GUSB: variants seen among roughly 807,000 people sequenced by gnomAD.
The protein encoded by GUSB is beta-glucuronidase.
In GUSB, 51 loss-of-function variants were observed where a neutral mutation model predicts 74.6. That is an observed-to-expected ratio of 0.68 (90% CI 0.55 to 0.86). The LOEUF (loss-of-function observed/expected upper bound fraction) is 0.86. Ranked by LOEUF, GUSB falls within the 40% of genes least tolerant of loss-of-function variation. The pLI is 0.00. For missense variants in GUSB, 736 were observed against 853.7 expected (o/e 0.86, Z 1.72); for synonymous variants, 360 against 348.3 (o/e 1.03, Z -0.37).
chr7:65,979,163 C>T (rs1791804920), intron 4 of GUSB, among the ~76,000 whole-genome samples: 1 of 152,138 alleles, frequency 6.6e-6, no homozygotes. Flanking sequence ...AGGATTGCCA[C>T]CCCGAGCTGT....
In GUSB at chr7:65,967,863, C is replaced by T. The variant is rs121918179; in HGVS notation, c.1521G>A (p.Trp507Ter). ...DVICLNSYYS[W>*]YHDYGHLELI... ...ACTCCAGGTGCCCGTAGTCGTGATA[C>T]CAAGAGTAGTAGCTGTTCAAACAGA... Residue 507 changes from tryptophan (W) to a stop codon, truncating the protein, a stop_gained, in exon 10 of 12, where the codon TGG becomes TGA. Transcript: ENST00000304895. LOFTEE classifies it high-confidence loss of function. 4 of 1,605,508 alleles carry T rather than the reference C, an allele frequency of 2.5e-6. No homozygotes were observed. Among genetic ancestry groups the T allele is most frequent in the African/African-American group, 1.3e-5 (1 of 74,912 alleles).
In GUSB at chr7:65,980,779, T is replaced by C. The variant is rs1253161850; in HGVS notation, c.211-370A>G. The C allele has an allele frequency of 1.1e-5, 4 of 360,390 alleles. No individual in the cohort carries two copies. The East Asian group carries it at 2.1e-4, about 19-fold the overall frequency. The allele number at this position is 360,390 out of a possible 1,614,324, so 22.3% of individuals were successfully genotyped here. A position where few individuals can be genotyped will look rare whatever the true frequency, so the allele number is the denominator to read the frequency against. ...GGGGGGAGCTTTGCTTAGGACACTG[T>C]GAGTGGGGTGCACACTGGCACCCAG... On this transcript the variant is annotated intron_variant, in intron 1 of 11. Transcript: ENST00000304895.
chr7:65,975,772 G>A lies in GUSB; in HGVS notation c.912+243C>T, dbSNP rs115050218. 3.4e-3 allele frequency: 1,446 copies of A among 428,970 alleles called. 16 individuals carry two copies. The highest frequency in any genetic ancestry group is 0.025 in the African/African-American group (1,250 of 49,286). The allele number at this position is 428,970 out of a possible 1,614,324, so 26.6% of individuals were successfully genotyped here. On this transcript the variant is annotated intron_variant, in intron 5 of 11. Coordinates refer to ENST00000304895, the MANE Select transcript of GUSB (RefSeq NM_000181.4). ...AGGCCAAGGCAGGAGGACTGCTGCA[G>A]GCTGAGAGTTCAAGGCTGCAGTGAG...
chr7:65,981,925 C>G, intron 1 of GUSB, 49 bp downstream of exon 1: 1 of 1,521,606 alleles, frequency 6.6e-7, no homozygotes, highest in Non-Finnish European at 8.9e-7. Flanking sequence ...CTCCCCTACT[C>G]CCACCGCCGG....
intron 11 of GUSB, 30 bp downstream of exon 11, chr7:65,964,293 C>T (rs182474035): frequency 2.1e-5 from 33 of 1,596,658 alleles, no homozygotes; most frequent in East Asian, 8.9e-5. Flanking sequence ...AGGACGGGTA[C>T]GTTATCCCAT....
At chr7:65,972,282 C>T (rs1791265390) in intron 8 of GUSB, among the ~76,000 whole-genome samples, 1 of 152,082 alleles carries the variant, frequency 6.6e-6, no homozygotes, top group Non-Finnish European at 1.5e-5. Flanking sequence ...CTGCCTCAGC[C>T]TCCCAAGTAG....
At chr7:65,981,703 A>AT (rs1168316834) in intron 1 of GUSB, 20 of 368,658 alleles carry the variant, frequency 5.4e-5, no homozygotes, top group South Asian at 2.7e-4. Flanking sequence ...AAAAATAAAT[A>AT]TTGAAAGGAA....
At chr7:65,979,228 T>G (rs531582170) in intron 4 of GUSB, among the ~76,000 whole-genome samples, 171 bp downstream of exon 4, 1 of 152,142 alleles carries the variant, frequency 6.6e-6, no homozygotes, top group South Asian at 2.1e-4. Flanking sequence ...ACGGGTGATT[T>G]TGGGAGCCCG....
intron 4 of GUSB, among the ~76,000 whole-genome samples, chr7:65,979,103 G>A (rs1054386887): frequency 6.6e-5 from 10 of 152,212 alleles, no homozygotes; most frequent in Admixed American, 5.2e-4. Flanking sequence ...CCTTGAGCAC[G>A]ATGTGTAGCA....
chr7:65,974,348 CCACAT>C lies in GUSB; in HGVS notation c.1333_1337del (p.Met445ValfsTer40). The C allele has an allele frequency of 6.2e-7, 1 of 1,614,152 alleles. No homozygotes were observed. The highest frequency in any genetic ancestry group is 8.5e-7 in the Non-Finnish European group (1 of 1,180,022). On this transcript the variant is annotated frameshift_variant, in exon 8 of 12. Coordinates refer to ENST00000304895, the MANE Select transcript of GUSB (RefSeq NM_000181.4). LOFTEE classifies it high-confidence loss of function. ...GGGACGCAGGCTCGTTGGCCACAGA[CCACAT>C]CACGACCGCGGGGTGGTTCTTGTCC... is the stretch of plus-strand genomic sequence containing the variant.
At chr7:65,980,807 CCCT>C (rs1791960222) in intron 1 of GUSB, 1 of 333,084 alleles carries the variant, frequency 3.0e-6, no homozygotes, top group Non-Finnish European at 5.9e-6. Flanking sequence ...GCACCCAGCC[CCCT>C]CCTCTTTCCC....
At position 65,960,768 on chromosome 7, in the gene GUSB, A is replaced by AGAT. The variant is rs1387566918; in HGVS notation, c.*126_*128dup. On this transcript the variant is annotated 3_prime_UTR_variant, in exon 12 of 12. Transcript: ENST00000304895. ...CACCTTTAGTGTTCCCTGCTAGAAT[A>AGAT]GATGACCACAAAACCCAGGCCAGAA... 11 of 784,640 alleles carry AGAT rather than the reference A, an allele frequency of 1.4e-5. No individual in the cohort carries two copies. The East Asian group carries it at 2.4e-4, about 17-fold the overall frequency. The allele number at this position is 784,640 out of a possible 1,614,324, so 48.6% of individuals were successfully genotyped here.
At chr7:65,967,997 G>C (rs569158582) in intron 9 of GUSB, 90 bp from the exon 10 acceptor site, 1 of 1,088,530 alleles carries the variant, frequency 9.2e-7, no homozygotes, top group East Asian at 2.4e-5. Flanking sequence ...GGCAGAGAAG[G>C]TAAGGGGGAT....
intron 9 of GUSB, among the ~76,000 whole-genome samples, chr7:65,970,000 A>G (rs1362339905): frequency 6.6e-6 from 1 of 152,130 alleles, no homozygotes; most frequent in Non-Finnish European, 1.5e-5. Context: ...TAACCCAAAG[A>G]CCATCTGTGA....
chr7:65,975,667 G>A (rs1791518156), intron 5 of GUSB: 1 of 231,148 alleles, frequency 4.3e-6, no homozygotes, highest in Non-Finnish European at 8.6e-6. Context: ...TTACAGGCAT[G>A]AGTCACTCTG....
rs774195356 is a variant in GUSB at position 65,975,076 on chromosome 7, G to A, written c.913-5C>T. ...CGTCTGTGCAGTCAGCTGCACCTAT[G>A]ACAGCCAAAGCACCAGGTGTGAGCA... is the stretch of plus-strand genomic sequence containing the variant. On this transcript the variant is annotated splice_region_variant and splice_polypyrimidine_tract_variant and intron_variant, in intron 5 of 11. Coordinates refer to ENST00000304895, the MANE Select transcript of GUSB (RefSeq NM_000181.4). 7 of 1,612,934 alleles carry A rather than the reference G, an allele frequency of 4.3e-6. No homozygotes were observed. The highest frequency in any genetic ancestry group is 4.5e-5 in the East Asian group (2 of 44,874).
At chr7:65,968,032 G>A (rs537626283) in intron 9 of GUSB, 125 bp from the exon 10 acceptor site, 1 of 787,648 alleles carries the variant, frequency 1.3e-6, no homozygotes, top group South Asian at 1.4e-5. Context: ...CTGGGAGGCT[G>A]AGGCAGGAGG....
At chr7:65,968,616 C>G (rs866349432) in intron 9 of GUSB, among the ~76,000 whole-genome samples, 1 of 152,180 alleles carries the variant, frequency 6.6e-6, no homozygotes, top group Non-Finnish European at 1.5e-5. Flanking sequence ...GACAGAGTCT[C>G]GCTCTGTCGC....
In GUSB at chr7:65,979,834, C is replaced by G; in HGVS notation, c.474G>C (p.Gln158His). The G allele has an allele frequency of 6.2e-7, 1 of 1,613,750 alleles. No individual in the cohort carries two copies. Among genetic ancestry groups the G allele is most frequent in the Non-Finnish European group, 8.5e-7 (1 of 1,179,970 alleles). ...PFEADISNLV[Q>H]VGPLPSRLRI... ...GGAGCCGGGAGGGCAGGGGCCCCAC[C>G]TGGACCAGGTTGCTGATGTCGGCCT... The change falls in exon 3 of 12, where the codon CAG becomes CAC. Residue 158 changes from glutamine to histidine, a missense_variant. Gln to His is a conservative substitution (Grantham distance 24). This residue lies in a region of GUSB where 368 missense variants were observed against 363.8 expected (regional missense o/e 1.01). Transcript: ENST00000304895.
Sources: allele counts gnomAD v4.1 joint callset (sites outside exome capture counted in the v4.1 genomes callset), GRCh38; gene constraint gnomAD v4.1.1; regional missense constraint gnomAD v4.1.1; transcripts MANE v1.5; gene names NCBI Gene and HGNC (gene_info 2026-07-23, HGNC 2026-07-21).